Variants in PAPOLG observed in about 807,000 individuals in gnomAD.
PAPOLG encodes poly(A) polymerase gamma.
PAPOLG carries 40 observed loss-of-function variants against 99.0 expected under a neutral mutation model. That is an observed-to-expected ratio of 0.40 (90% CI 0.31 to 0.53). PAPOLG has a LOEUF of 0.53. Among genes scored for constraint, PAPOLG ranks in the 20% least tolerant of loss-of-function variants. PAPOLG has a pLI of 0.41. For synonymous variants in PAPOLG, 310 were observed against 299.3 expected, an observed-to-expected ratio of 1.04 and a Z score of -0.37; for missense variants, 675 against 884.1, an observed-to-expected ratio of 0.76 and a Z score of 3.00.
At chr2:60,765,815 C>A (rs1670660157) in intron 3 of PAPOLG, among the ~76,000 whole-genome samples, 1 of 152,076 alleles carries the variant, frequency 6.6e-6, no homozygotes, top group South Asian at 2.1e-4. Flanking sequence ...TCATGTTAAT[C>A]ATCAATAAAT....
Position 60,781,954 on chromosome 2 carries a change from TATA to T in PAPOLG, c.979_981del (p.Asn327del). On this transcript the variant is annotated inframe_deletion, in exon 11 of 22. Coordinates refer to ENST00000238714, the MANE Select transcript of PAPOLG (RefSeq NM_022894.4). The stretch of plus-strand genomic sequence containing the variant: ...TGCCTACCCACAACAGAATTCTACG[TATA>T]ATGTGTCCACATCAACTCGAACAGT... 6.2e-7 allele frequency: 1 copy of T among 1,613,908 alleles called. No individual in the cohort carries two copies. Among genetic ancestry groups the T allele is most frequent in the Non-Finnish European group, 8.5e-7 (1 of 1,179,816 alleles).
At chr2:60,780,277 CTT>C (rs530213712) in intron 9 of PAPOLG, among the ~76,000 whole-genome samples, 52 of 135,884 alleles carry the variant, frequency 3.8e-4, no homozygotes, top group Admixed American at 7.4e-4. Flanking sequence ...CTTACCTAGC[CTT>C]TTTTTTTTTT....
intron 7 of PAPOLG, among the ~76,000 whole-genome samples, chr2:60,772,020 G>A (rs1670867863): frequency 6.6e-6 from 1 of 151,126 alleles, no homozygotes; most frequent in Non-Finnish European, 1.5e-5. Flanking sequence ...AAACTTTTGT[G>A]TGTGAAGAAT....
intron 15 of PAPOLG, among the ~76,000 whole-genome samples, chr2:60,787,983 A>G (rs1050999191): frequency 6.6e-6 from 1 of 152,036 alleles, no homozygotes; most frequent in East Asian, 1.9e-4. Flanking sequence ...AGGAGGTTGC[A>G]GTGAGCCGAG....
intron 4 of PAPOLG, 96 bp downstream of exon 4, chr2:60,768,647 A>G: frequency 3.8e-6 from 5 of 1,328,412 alleles, no homozygotes; most frequent in Non-Finnish European, 5.3e-6. Flanking sequence ...CTATTTCACT[A>G]CTTAGAGCTA....
chr2:60,768,411 G>A (rs1670749637), intron 3 of PAPOLG, 59 bp from the exon 4 acceptor site: 4 of 1,566,586 alleles, frequency 2.6e-6, no homozygotes, highest in Non-Finnish European at 3.5e-6. Context: ...CAACATTGAG[G>A]TGACTTTTAT....
rs188508513 is a variant in PAPOLG, at chr2:60,769,488, G to T, written c.438+598G>T. 9.9e-5 allele frequency among the ~76,000 whole-genome samples: 15 copies of T among 152,246 alleles called. No homozygotes were observed. In the East Asian group the frequency reaches 2.9e-3, roughly 29 times the overall value. ...TCTGAAGTGCTAGAATAAGGTGAAG[G>T]TCAAAGAATCTGTGATATTTGGGGA... On this transcript the variant is annotated intron_variant, in intron 5 of 21. Transcript: ENST00000238714.
Position 60,786,937 on chromosome 2 carries a change from T to C in PAPOLG, c.1167-10T>C, listed in dbSNP as rs368265621. ...GACATAAGATAAATTGTGTTTGTTG[T>C]TTATTTTAGGGTTGGATTAGTAGAA... On this transcript the variant is annotated splice_polypyrimidine_tract_variant and intron_variant, in intron 13 of 21. Transcript: ENST00000238714. 1.6e-5 allele frequency: 26 copies of C among 1,601,464 alleles called. No homozygotes were observed. The highest frequency in any genetic ancestry group is 2.2e-5 in the Non-Finnish European group (26 of 1,176,156).
At chr2:60,792,758 G>A (rs1231404058) in intron 17 of PAPOLG, among the ~76,000 whole-genome samples, 2 of 152,000 alleles carry the variant, frequency 1.3e-5, no homozygotes, top group South Asian at 2.1e-4. Flanking sequence ...TTAATTGGCC[G>A]GGCACAGTTG....
At chr2:60,788,883 A>G (rs1558712937) in intron 15 of PAPOLG, among the ~76,000 whole-genome samples, 1 of 152,056 alleles carries the variant, frequency 6.6e-6, no homozygotes, top group Non-Finnish European at 1.5e-5. Flanking sequence ...GCTCCCAGCT[A>G]TCTGGGAGGC....
rs1186797521 is a variant in PAPOLG, at chr2:60,800,994, C to A, written c.*3834C>A. 2.0e-5 allele frequency: 3 copies of A among 152,284 alleles called. No individual in the cohort carries two copies. Among genetic ancestry groups the A allele is most frequent in the Non-Finnish European group, 4.4e-5 (3 of 68,032 alleles). The allele number at this position is 152,284 out of a possible 1,614,324, so 9.4% of individuals were successfully genotyped here. A position where few individuals can be genotyped will look rare whatever the true frequency, so the allele number is the denominator to read the frequency against. On this transcript the variant is annotated 3_prime_UTR_variant, in exon 22 of 22. Transcript: ENST00000238714. ...AAAGTCCTCGGTATTTAGAAAAATG[C>A]TTAATCTCAGATTTACAGATGGCCT...
In PAPOLG at chr2:60,792,277, G is replaced by T. The variant is rs1036335581; in HGVS notation, c.1667G>T (p.Gly556Val). 13 of 1,601,334 alleles carry T rather than the reference G, an allele frequency of 8.1e-6. No individual in the cohort carries two copies. The Admixed American group carries it at 1.6e-4, about 20-fold the overall frequency. ...TCCAAGTCTGATAGCCCTTCTGTAG[G>T]AGAAACAGAAAGGTCTGTCTTTATT... is the stretch of plus-strand genomic sequence containing the variant. ...PASKSDSPSV[G>V]ETERNSAEPA... is the part of the protein sequence containing the mutation. The change falls in exon 17 of 22, where the codon GGA becomes GTA. Residue 556 changes from glycine to valine, a missense_variant. Gly to Val is a moderately radical substitution (Grantham distance 109). Around this residue, in one of 3 missense-constraint regions of PAPOLG, gnomAD observed 413 missense variants for 460.5 expected, o/e 0.90. Coordinates refer to ENST00000238714, the MANE Select transcript of PAPOLG (RefSeq NM_022894.4).
Position 60,760,298 on chromosome 2 carries a change from A to G in PAPOLG, c.179+3A>G, listed in dbSNP as rs760867255. ...GATGAGGAAGAATTGAACCACAGGTATGTCATTGAAAACCATAAAATATTT... is the reference window on the plus strand; with the variant it reads ...GATGAGGAAGAATTGAACCACAGGTGTGTCATTGAAAACCATAAAATATTT... On this transcript the variant is annotated splice_donor_region_variant and intron_variant, in intron 2 of 21. Coordinates refer to ENST00000238714, the MANE Select transcript of PAPOLG (RefSeq NM_022894.4). 1.8e-5 allele frequency: 29 copies of G among 1,606,760 alleles called. No homozygotes were observed. The South Asian group carries it at 3.2e-4, about 18-fold the overall frequency.
At chr2:60,784,637 G>T (rs1423245408) in intron 13 of PAPOLG, among the ~76,000 whole-genome samples, 1 of 152,144 alleles carries the variant, frequency 6.6e-6, no homozygotes, top group Non-Finnish European at 1.5e-5. Context: ...AAATAATCCT[G>T]TCACTGAAAC....
Position 60,801,861 on chromosome 2 carries a change from ACTTAT to A in PAPOLG, c.*4706_*4710del, listed in dbSNP as rs66986840. The A allele has an allele frequency of 0.14, 20,746 of 152,310 alleles. 1,717 individuals carry two copies. Among genetic ancestry groups the A allele is most frequent in the Middle Eastern group, 0.2 (57 of 292 alleles). 9.4% of individuals were successfully genotyped at this position (152,310 alleles called of 1,614,324 possible). A position where few individuals can be genotyped will look rare whatever the true frequency, so the allele number is the denominator to read the frequency against. On this transcript the variant is annotated 3_prime_UTR_variant, in exon 22 of 22. Coordinates refer to ENST00000238714, the MANE Select transcript of PAPOLG (RefSeq NM_022894.4). ...GCTACATTTGAACAAAGACCCACGT[ACTTAT>A]CTTAGAAAGTACTTAGGATATCTTT...
chr2:60,767,548 C>T (rs1358608006), intron 3 of PAPOLG, among the ~76,000 whole-genome samples: 1 of 152,086 alleles, frequency 6.6e-6, no homozygotes, highest in Non-Finnish European at 1.5e-5. Context: ...GGACCTCTTG[C>T]CTCAGTCTCC....
intron 15 of PAPOLG, among the ~76,000 whole-genome samples, chr2:60,788,047 GAAAA>G (rs956336828): frequency 1.5e-4 from 22 of 144,562 alleles, no homozygotes; most frequent in African/African-American, 5.1e-4. Context: ...CTCAAAAAAA[GAAAA>G]AAAGAAAAAA....
intron 21 of PAPOLG, among the ~76,000 whole-genome samples, chr2:60,795,545 G>A (rs1671670614): frequency 6.6e-6 from 1 of 151,984 alleles, no homozygotes; most frequent in Non-Finnish European, 1.5e-5. Context: ...AGTATTAAGT[G>A]TGGTATGCTA....
Position 60,797,141 on chromosome 2 carries a change from G to C in PAPOLG, c.2192G>C (p.Arg731Pro), listed in dbSNP as rs762563389. The change falls in exon 22 of 22, where the codon CGA becomes CCA. Residue 731 changes from arginine to proline, a missense_variant. Physicochemically the swap from Arg to Pro is moderately radical, Grantham distance 103 (BLOSUM62 -2). This residue lies in a region of PAPOLG where 413 missense variants were observed against 460.5 expected (regional missense o/e 0.90). Coordinates refer to ENST00000238714, the MANE Select transcript of PAPOLG (RefSeq NM_022894.4). Reference protein sequence around the residue: ...NNIRVIKNSIRLTLNR With the variant: ...NNIRVIKNSIPLTLNR ...ATCCGTGTCATCAAAAATTCCATTC[G>C]ACTGACCCTTAATCGGTAAAAGCAG... The C allele has an allele frequency of 1.9e-6, 3 of 1,613,906 alleles. 1 individual carries two copies. In the South Asian group the frequency reaches 3.3e-5, roughly 18 times the overall value.
Sources: gnomAD v4.1 joint callset for allele counts (sites outside exome capture counted in the v4.1 genomes callset) on GRCh38, gnomAD v4.1.1 for gene constraint, gnomAD v4.1.1 regional missense constraint, MANE v1.5 for transcripts, NCBI Gene and HGNC (gene_info 2026-07-23, HGNC 2026-07-21) for gene names.